Variants in SCRG1 observed in about 807,000 individuals in gnomAD.
SCRG1 encodes the protein scrapie-responsive protein 1.
SCRG1 carries 3 observed loss-of-function variants against 7.7 expected under a neutral mutation model. The ratio of observed to expected loss-of-function variants is 0.39; its 90% CI spans 0.18 to 1.01. The LOEUF (loss-of-function observed/expected upper bound fraction) is 1.01, where lower values mean the gene tolerates loss of function less well. SCRG1 is among the 50% of genes least tolerant of loss of function. The pLI, the probability that SCRG1 is intolerant of heterozygous loss-of-function variation, is 0.36. For synonymous variants in SCRG1, 46 were observed against 41.2 expected (o/e 1.12, Z -0.44); for missense variants, 110 against 117.2 (o/e 0.94, Z 0.28).
At chr4:173,401,791 A>C (rs1372523236), upstream of SCRG1, among the ~76,000 whole-genome samples, 5 of 152,220 alleles carry the variant, frequency 3.3e-5, no homozygotes, top group Admixed American at 6.5e-5. Flanking sequence ...TGTGTTTTCA[A>C]ACATGTGTTT....
At chr4:173,458,175 A>G in the SCRG1 span, among the ~76,000 whole-genome samples, 1 of 152,204 alleles carries the variant, frequency 6.6e-6, no homozygotes, top group Admixed American at 6.5e-5. Context: ...GCATAGGGCC[A>G]TAGGGGCCTG....
upstream of SCRG1, among the ~76,000 whole-genome samples, chr4:173,407,144 A>G (rs1739929806): frequency 6.6e-6 from 1 of 151,508 alleles, no homozygotes; most frequent in African/African-American, 2.4e-5. Flanking sequence ...GGGAGGCAGA[A>G]GTTGCAGTGA....
chr4:173,483,174 T>A, the SCRG1 span, among the ~76,000 whole-genome samples: 1 of 123,060 alleles, frequency 8.1e-6, no homozygotes, highest in Non-Finnish European at 1.6e-5. Flanking sequence ...ACATATAACA[T>A]ATAATATATT....
At chr4:173,475,845 G>C in the SCRG1 span, among the ~76,000 whole-genome samples, 1 of 152,214 alleles carries the variant, frequency 6.6e-6, no homozygotes, top group East Asian at 1.9e-4. Context: ...GTAATAAAAA[G>C]ACAAATATGT....
At chr4:173,468,817 T>C in the SCRG1 span, 1 of 152,166 alleles carries the variant, frequency 6.6e-6, no homozygotes, top group African/African-American at 2.4e-5. Context: ...CACAGTGACA[T>C]TACAGTTTGA....
chr4:173,397,926 A>C (rs1739650611), intron 1 of SCRG1, among the ~76,000 whole-genome samples: 2 of 152,262 alleles, frequency 1.3e-5, no homozygotes, highest in South Asian at 4.1e-4. Flanking sequence ...CTGCAAAAGC[A>C]AATGAAAACT....
intron 1 of SCRG1, among the ~76,000 whole-genome samples, chr4:173,405,889 T>G (rs551211312): frequency 5.3e-5 from 8 of 152,310 alleles, no homozygotes; most frequent in African/African-American, 1.7e-4. Flanking sequence ...CCTGGTTCCT[T>G]TCATTGAAGA....
the SCRG1 span, among the ~76,000 whole-genome samples, chr4:173,482,037 T>G: frequency 6.6e-6 from 1 of 152,170 alleles, no homozygotes; most frequent in Non-Finnish European, 1.5e-5. Flanking sequence ...AATATTTATA[T>G]TTTACTGTAT....
the SCRG1 span, among the ~76,000 whole-genome samples, chr4:173,518,897 G>T: frequency 6.6e-6 from 1 of 150,770 alleles, no homozygotes; most frequent in Non-Finnish European, 1.5e-5. Flanking sequence ...CTGCTCAGGA[G>T]TGTTTGGCCC....
At chr4:173,500,075 A>G in the SCRG1 span, among the ~76,000 whole-genome samples, 1 of 152,126 alleles carries the variant, frequency 6.6e-6, no homozygotes, top group Non-Finnish European at 1.5e-5. Flanking sequence ...CCCAGTTTGC[A>G]CCCAGGCAGC....
chr4:173,460,273 C>G, the SCRG1 span, among the ~76,000 whole-genome samples: 2 of 152,116 alleles, frequency 1.3e-5, no homozygotes, highest in Admixed American at 6.5e-5. Context: ...GTCCTAGTGT[C>G]GAACTAAGCT....
the SCRG1 span, among the ~76,000 whole-genome samples, chr4:173,470,774 A>G: frequency 1.3e-5 from 2 of 152,228 alleles, no homozygotes; most frequent in African/African-American, 2.4e-5. Context: ...TTCAAGTTAC[A>G]TATGTTCGTA....
chr4:173,509,701 G>C, the SCRG1 span, among the ~76,000 whole-genome samples: 3 of 152,046 alleles, frequency 2.0e-5, no homozygotes, highest in Admixed American at 2.0e-4. This position sits in a 1 kb window ranked among gnomAD's most constrained non-coding sequence, Gnocchi z 5.7. Context: ...GGTGTCGGGC[G>C]GTGTCCGCGC....
the SCRG1 span, among the ~76,000 whole-genome samples, chr4:173,422,891 A>C: frequency 6.6e-6 from 1 of 152,200 alleles, no homozygotes; most frequent in Non-Finnish European, 1.5e-5. Context: ...TGGAAACAAA[A>C]GGAAAAAATT....
chr4:173,464,401 C>T, the SCRG1 span, among the ~76,000 whole-genome samples: 1 of 152,192 alleles, frequency 6.6e-6, no homozygotes, highest in South Asian at 2.1e-4. Flanking sequence ...TTGGAAGCAC[C>T]ACTAATTGTA....
At chr4:173,416,117 G>A in the SCRG1 span, among the ~76,000 whole-genome samples, 1 of 152,168 alleles carries the variant, frequency 6.6e-6, no homozygotes, top group African/African-American at 2.4e-5. Context: ...CAATACTGCC[G>A]CCCCAAAGTC....
At chr4:173,485,261 T>G in the SCRG1 span, among the ~76,000 whole-genome samples, 2 of 47,482 alleles carry the variant, frequency 4.2e-5, no homozygotes, top group Admixed American at 5.3e-4. Context: ...AATGATGTCA[T>G]GTGACTTCTC....
the SCRG1 span, among the ~76,000 whole-genome samples, chr4:173,497,384 T>C: frequency 9.9e-5 from 15 of 152,218 alleles, no homozygotes; most frequent in Admixed American, 9.8e-4. Context: ...CTCCAAGTTG[T>C]TTAGGTCCCC....
chr4:173,499,185 G>A, the SCRG1 span, among the ~76,000 whole-genome samples: 1,069 of 152,304 alleles, frequency 7.0e-3, 14 homozygotes, highest in African/African-American at 0.024. The surrounding 1 kb of genome is among the most constrained non-coding windows in gnomAD (Gnocchi z 4.1). Context: ...AATCGAAGAG[G>A]CTAAAAGAGA....
Sources: allele counts gnomAD v4.1 joint callset (sites outside exome capture counted in the v4.1 genomes callset), GRCh38; gene constraint gnomAD v4.1.1; non-coding constraint Gnocchi (gnomAD v3.1); transcripts MANE v1.5; gene names NCBI Gene and HGNC (gene_info 2026-07-23, HGNC 2026-07-21).